The following TRIM63 variants were observed in gnomAD, a reference collection of about 807,000 sequenced individuals.
The protein encoded by TRIM63 is tripartite motif containing 63, also known as E3 ubiquitin-protein ligase TRIM63.
In TRIM63, 48 loss-of-function variants were observed where a neutral mutation model predicts 46.0. That is an observed-to-expected ratio of 1.04 (90% confidence interval 0.83 to 1.33). The LOEUF (loss-of-function observed/expected upper bound fraction) is 1.33. Ranked by LOEUF, TRIM63 falls within the 40% of genes most tolerant of loss-of-function variation. The pLI, the probability that TRIM63 is intolerant of heterozygous loss-of-function variation, is 0.00. For missense variants in TRIM63, 455 were observed against 441.2 expected (o/e 1.03, Z -0.28); for synonymous variants, 175 against 162.8 (o/e 1.08, Z -0.57).
In TRIM63 at chr1:26,061,312, G is replaced by T. The variant is rs2050624100; in HGVS notation, c.355C>A (p.His119Asn). Reference sequence around the variant, plus strand: ...TCTTCGTGCTCCTTGCACATGGGGTGACTGCCCTTCTGCAGCGGCCGACTG... The same window carrying T: ...TCTTCGTGCTCCTTGCACATGGGGTTACTGCCCTTCTGCAGCGGCCGACTG... ...CSSRPLQKGS[H>N]PMCKEHEDEK... The change falls in exon 3 of 9, where the codon CAC (histidine) becomes AAC (asparagine). Residue 119 changes from histidine (H) to asparagine (N), a missense_variant. Coordinates refer to ENST00000374272, the MANE Select transcript of TRIM63 (RefSeq NM_032588.4). The T allele has an allele frequency of 1.9e-6, 3 of 1,614,030 alleles. No homozygotes were observed. The highest frequency in any genetic ancestry group is 1.1e-5 in the South Asian group (1 of 91,074).
intron 8 of TRIM63, among the ~76,000 whole-genome samples, chr1:26,053,099 A>G (rs1411085277): frequency 1.3e-5 from 2 of 151,998 alleles, no homozygotes; most frequent in Non-Finnish European, 2.9e-5. Context: ...ATGTACCACC[A>G]TGCCTGGCTA....
intron 1 of TRIM63, among the ~76,000 whole-genome samples, chr1:26,067,094 C>T (rs1400366686): frequency 6.6e-6 from 1 of 152,016 alleles, no homozygotes; most frequent in Non-Finnish European, 1.5e-5. Flanking sequence ...CAGCAGTGCT[C>T]AGGGCAGGGG....
At chr1:26,065,021 G>C (rs1049654779) in intron 2 of TRIM63, among the ~76,000 whole-genome samples, 1 of 151,912 alleles carries the variant, frequency 6.6e-6, no homozygotes, top group Non-Finnish European at 1.5e-5. Flanking sequence ...GTTGTGTTGT[G>C]TGTGTGTGTG....
chr1:26,066,637 G>T (rs1162379846), intron 1 of TRIM63, among the ~76,000 whole-genome samples, 197 bp from the exon 2 acceptor site: 1 of 152,150 alleles, frequency 6.6e-6, no homozygotes, highest in Non-Finnish European at 1.5e-5. Context: ...GTCAGGATGG[G>T]GAGGCAGGAG....
intron 2 of TRIM63, among the ~76,000 whole-genome samples, chr1:26,063,853 C>T (rs2050649364): frequency 6.6e-6 from 1 of 152,232 alleles, no homozygotes; most frequent in Non-Finnish European, 1.5e-5. Flanking sequence ...CAAAGGTTCA[C>T]ATATAACATG....
chr1:26,061,017 T>G (rs2050620793), intron 3 of TRIM63, 149 bp downstream of exon 3: 2 of 884,160 alleles, frequency 2.3e-6, no homozygotes, highest in East Asian at 5.4e-5. Flanking sequence ...AGGCCAGGGC[T>G]GCTGTCCCTG....
chr1:26,059,143 G>A (rs1263735051), intron 4 of TRIM63, among the ~76,000 whole-genome samples: 1 of 150,150 alleles, frequency 6.7e-6, no homozygotes, highest in Admixed American at 6.7e-5. Flanking sequence ...TCCTGCCTCA[G>A]CCTCCCGAGT....
At chr1:26,066,176 T>TA in intron 2 of TRIM63, 92 bp downstream of exon 2, 1 of 1,432,710 alleles carries the variant, frequency 7.0e-7, no homozygotes, top group Admixed American at 1.7e-5. Flanking sequence ...GCCTGGATCC[T>TA]GAGCAGATGA....
At position 26,061,151 on chromosome 1, in the gene TRIM63, G is replaced by A. The variant is rs1439521390; in HGVS notation, c.501+15C>T. The stretch of plus-strand genomic sequence containing the variant: ...GCAGGCCCAGGCTGGGGGTAAAAGT[G>A]GCTGGAGACAGTACCTTTTGTCCCT... On this transcript the variant is annotated intron_variant, in intron 3 of 8. Coordinates refer to ENST00000374272, the MANE Select transcript of TRIM63 (RefSeq NM_032588.4). 2.5e-6 allele frequency: 4 copies of A among 1,611,086 alleles called. No homozygotes were observed. The South Asian group carries it at 4.4e-5, about 18-fold the overall frequency.
At position 26,067,602 on chromosome 1, in the gene TRIM63, T is replaced by G; in HGVS notation, c.-108A>C. The G allele has an allele frequency of 7.8e-7, 1 of 1,281,520 alleles. No individual in the cohort carries two copies. Among genetic ancestry groups the G allele is most frequent in the Non-Finnish European group, 1.1e-6 (1 of 939,018 alleles). The allele number at this position is 1,281,520 out of a possible 1,614,324, so 79.4% of individuals were successfully genotyped here. The stretch of plus-strand genomic sequence containing the variant: ...CACAAAACACCGGGTCGGATCCTGT[T>G]GGCTTCCTTCTCCTGGTGCCCGAAT... On this transcript the variant is annotated 5_prime_UTR_variant, in exon 1 of 9. Coordinates refer to ENST00000374272, the MANE Select transcript of TRIM63 (RefSeq NM_032588.4).
At chr1:26,066,164 A>T in intron 2 of TRIM63, 104 bp downstream of exon 2, 7 of 1,301,332 alleles carry the variant, frequency 5.4e-6, no homozygotes, top group Non-Finnish European at 6.5e-6. Flanking sequence ...GTCCAGCTAG[A>T]GGCCTGGATC....
In TRIM63 at chr1:26,067,509, T is replaced by A. The variant is rs375576676; in HGVS notation, c.-15A>T. On this transcript the variant is annotated 5_prime_UTR_variant, in exon 1 of 9. Coordinates refer to ENST00000374272, the MANE Select transcript of TRIM63 (RefSeq NM_032588.4). The stretch of plus-strand genomic sequence containing the variant: ...TTATAATCCATTCTGTGGGAAGGAA[T>A]GAGAGCCACGCCTAGCTGCCTCCTC... 1.5e-5 allele frequency: 24 copies of A among 1,613,276 alleles called. No homozygotes were observed. The highest frequency in any genetic ancestry group is 1.8e-5 in the Non-Finnish European group (21 of 1,179,898).
chr1:26,064,346 A>G (rs2050654761), intron 2 of TRIM63, among the ~76,000 whole-genome samples: 3 of 151,998 alleles, frequency 2.0e-5, no homozygotes, highest in Admixed American at 2.0e-4. Flanking sequence ...CTGGGGAATC[A>G]CTTGAACCGA....
In TRIM63 at chr1:26,066,420, G is replaced by A; in HGVS notation, c.180C>T (p.Thr60=). The A allele has an allele frequency of 6.3e-7, 1 of 1,593,096 alleles. No individual in the cohort carries two copies. Residue 60 remains threonine (T), a synonymous_variant, in exon 2 of 9, where the codon ACC becomes ACT. Transcript: ENST00000374272. The stretch of plus-strand genomic sequence containing the variant: ...ACATGGACACTGAGCTGCCCCGGCT[G>A]GTCCAGTAGGGATTTGCAGCCTGCA... ...DIFQAANPYW[T]SRGSSVSMSG... is the part of the protein sequence containing the mutation.
intron 7 of TRIM63, among the ~76,000 whole-genome samples, chr1:26,054,933 A>C (rs942201246): frequency 9.4e-5 from 14 of 149,238 alleles, no homozygotes; most frequent in African/African-American, 3.5e-4. Context: ...ACACCATTGC[A>C]CTCCAACCTG....
intron 5 of TRIM63, among the ~76,000 whole-genome samples, chr1:26,058,167 T>A (rs1302594971): frequency 6.6e-6 from 1 of 152,198 alleles, no homozygotes; most frequent in African/African-American, 2.4e-5. Flanking sequence ...TTTTGCAGCT[T>A]ACAAAGTCAT....
In TRIM63 at chr1:26,053,895, T is replaced by C. The variant is rs1261533350; in HGVS notation, c.1049A>G (p.Glu350Gly). The C allele has an allele frequency of 6.3e-7, 1 of 1,592,890 alleles. No homozygotes were observed. The highest frequency in any genetic ancestry group is 1.9e-5 in the Admixed American group (1 of 54,028). ...ATGGAGGTAGATGAATTTCTTACCT[T>C]CTTCCTTCCCTTCTGTGGACTCTTC... ...EEEESTEGKE[E>G]GHQ is the part of the protein sequence containing the mutation. The change falls in exon 8 of 9, where the codon GAA becomes GGA. Residue 350 changes from glutamate to glycine, a missense_variant and splice_region_variant. By Grantham distance (98) the Glu-to-Gly change is moderately conservative. Coordinates refer to ENST00000374272, the MANE Select transcript of TRIM63 (RefSeq NM_032588.4).
rs752023321 is a variant in TRIM63 at position 26,066,386 on chromosome 1, G to T, written c.214C>A (p.Arg72Ser). 6.2e-7 allele frequency: 1 copy of T among 1,612,622 alleles called. No individual in the cohort carries two copies. The highest frequency in any genetic ancestry group is 1.3e-5 in the African/African-American group (1 of 74,932). Residue 72 changes from arginine (R) to serine (S), a missense_variant, in exon 2 of 9, where the codon CGT (arginine) becomes AGT (serine). Arg to Ser is a moderately radical substitution (Grantham distance 110). Transcript: ENST00000374272. ...TGGCGGCAGGTGGGGCAGCGGAAAC[G>T]GCCTCCAGACATGGACACTGAGCTG... ...RGSSVSMSGG[R>S]FRCPTCRHEV...
intron 7 of TRIM63, 25 bp from the exon 8 acceptor site, chr1:26,053,989 A>T (rs773564719): frequency 6.4e-6 from 10 of 1,552,422 alleles, no homozygotes; most frequent in African/African-American, 5.6e-5. Flanking sequence ...CATTTGTGTT[A>T]GGATGGGGCC....
Sources: allele counts gnomAD v4.1 joint callset (sites outside exome capture counted in the v4.1 genomes callset), GRCh38; gene constraint gnomAD v4.1.1; transcripts MANE v1.5; gene names NCBI Gene and HGNC (gene_info 2026-07-23, HGNC 2026-07-21).